CCDC200: variants seen among roughly 807,000 people sequenced by gnomAD.
CCDC200 encodes coiled-coil domain-containing protein 200.
At chr17:43,226,955 T>C (rs192123206) in intron 1 of CCDC200, among the ~76,000 whole-genome samples, 6 of 152,162 alleles carry the variant, frequency 3.9e-5, no homozygotes, top group Non-Finnish European at 8.8e-5. Flanking sequence ...GTATGTTGTT[T>C]TAAAATATTT....
At chr17:43,225,738 T>A (rs1260863290) in intron 1 of CCDC200, among the ~76,000 whole-genome samples, 1 of 115,498 alleles carries the variant, frequency 8.7e-6, no homozygotes, top group Admixed American at 1.0e-4. Context: ...TTTTTTTCTT[T>A]TTTTTTTTTG....
chr17:43,225,411 T>A (rs1184660310), intron 1 of CCDC200, among the ~76,000 whole-genome samples: 1 of 151,060 alleles, frequency 6.6e-6, no homozygotes, highest in Non-Finnish European at 1.5e-5. Flanking sequence ...ACGCCTGTCA[T>A]CCCAGCACTT....
At chr17:43,226,227 G>C (rs1244262608) in intron 1 of CCDC200, 1 of 152,130 alleles carries the variant, frequency 6.6e-6, no homozygotes, top group Non-Finnish European at 1.5e-5. Flanking sequence ...TGTAGTCCCA[G>C]CTACTCAGGA....
At chr17:43,223,758 CTG>C (rs2057549775) in intron 2 of CCDC200, 144 bp from the exon 3 acceptor site, 1 of 152,220 alleles carries the variant, frequency 6.6e-6, no homozygotes, top group Admixed American at 6.5e-5. Flanking sequence ...AGGGCACAGA[CTG>C]AGCCCTTCCT....
In CCDC200 at chr17:43,222,419, G is replaced by A. The variant is rs184706885; in HGVS notation, c.481-822C>T. 2.0e-3 allele frequency among the ~76,000 whole-genome samples: 302 copies of A among 152,114 alleles called. 1 individual carries two copies. Among genetic ancestry groups the A allele is most frequent in the Non-Finnish European group, 2.7e-3 (186 of 67,972 alleles). The stretch of plus-strand genomic sequence containing the variant: ...TGAGCTCAGGCAATCTGCTCACCTC[G>A]GCCTCCCAAAGTGCTGGGATTTCAG... On this transcript the variant is annotated intron_variant, in intron 3 of 3. Coordinates refer to ENST00000636331, the MANE Select transcript of CCDC200 (RefSeq NM_001363254.2).
intron 2 of CCDC200, 197 bp downstream of exon 2, chr17:43,224,037 T>C (rs796937217): frequency 2.1e-4 from 32 of 151,676 alleles, no homozygotes; most frequent in African/African-American, 7.7e-4. Flanking sequence ...CTTGGGAGAG[T>C]CAGAGAGGGT....
At chr17:43,224,988 G>A (rs868780718) in intron 1 of CCDC200, 1 of 151,772 alleles carries the variant, frequency 6.6e-6, no homozygotes, top group South Asian at 2.1e-4. Flanking sequence ...CCTCAGCTTC[G>A]CAAGTAGCTA....
chr17:43,221,834 C>T (rs894312232), intron 3 of CCDC200, among the ~76,000 whole-genome samples: 1 of 152,098 alleles, frequency 6.6e-6, no homozygotes, highest in Non-Finnish European at 1.5e-5. Flanking sequence ...CCAGGCCAGG[C>T]GTGGTGGCTC....
chr17:43,224,656 G>A (rs1841475160), intron 1 of CCDC200, 107 bp from the exon 2 acceptor site: 2 of 152,468 alleles, frequency 1.3e-5, no homozygotes, highest in Admixed American at 1.3e-4. Flanking sequence ...AGTATAGGTG[G>A]CAGTGGTCTC....
intron 3 of CCDC200, among the ~76,000 whole-genome samples, chr17:43,223,246 A>ATTTTTTTTTTTTTT (rs1382906549): frequency 1.2e-5 from 1 of 84,826 alleles, no homozygotes; most frequent in African/African-American, 4.0e-5. Flanking sequence ...ATTTTTTTCA[A>ATTTTTTTTTTTTTT]TTTTTTTTTT....
intron 1 of CCDC200, among the ~76,000 whole-genome samples, chr17:43,225,524 T>A (rs2057560735): frequency 6.8e-6 from 1 of 146,718 alleles, no homozygotes. Flanking sequence ...TTAGTTGGGC[T>A]TGGTGGCAGG....
At chr17:43,227,582 T>C (rs1297042998) in intron 1 of CCDC200, among the ~76,000 whole-genome samples, 8 of 152,020 alleles carry the variant, frequency 5.3e-5, no homozygotes, top group Admixed American at 3.9e-4. Context: ...CCTCACTGAT[T>C]CAAGTGATTC....
chr17:43,230,981 A>G (rs2057593905), upstream of CCDC200, among the ~76,000 whole-genome samples: 2 of 22,554 alleles, frequency 8.9e-5, 1 homozygote, highest in Non-Finnish European at 2.5e-3. Flanking sequence ...CTCCGTCTCA[A>G]AAAAAAAAAA....
chr17:43,225,382 G>T (rs934167362), intron 1 of CCDC200, among the ~76,000 whole-genome samples: 4 of 151,606 alleles, frequency 2.6e-5, no homozygotes, highest in Admixed American at 2.0e-4. Flanking sequence ...AATTCATGCT[G>T]GGCCGGACGC....
Position 43,223,243 on chromosome 17 carries a change from TCA to T in CCDC200, c.480+311_480+312del, listed in dbSNP as rs1297160301. Among the ~76,000 whole-genome samples the T allele has an allele frequency of 2.5e-4, 18 of 72,300 alleles. 3 individuals carry two copies. Among genetic ancestry groups the T allele is most frequent in the African/African-American group, 3.9e-4 (9 of 23,134 alleles). The allele number at this position is 72,300 out of a possible 152,430, so 47.4% of individuals were successfully genotyped here. On this transcript the variant is annotated intron_variant, in intron 3 of 3. Coordinates refer to ENST00000636331, the MANE Select transcript of CCDC200 (RefSeq NM_001363254.2). ...TTTTTTCAATTTTTTTCAATTTTTTTCAATTTTTTTTTTTTTTTGGAGATGTC... is the reference window on the plus strand; with the variant it reads ...TTTTTTCAATTTTTTTCAATTTTTTTATTTTTTTTTTTTTTTGGAGATGTC...
At chr17:43,222,399 T>C (rs2057538992) in intron 3 of CCDC200, among the ~76,000 whole-genome samples, 1 of 152,158 alleles carries the variant, frequency 6.6e-6, no homozygotes, top group Non-Finnish European at 1.5e-5. Context: ...ATTCCTGAGC[T>C]CAGGCAATCT....
At position 43,224,455 on chromosome 17, in the gene CCDC200, A is replaced by G. The variant is rs990447114; in HGVS notation, c.200T>C (p.Leu67Ser). The change falls in exon 2 of 4, where the codon TTG (leucine) becomes TCG (serine). Residue 67 changes from leucine to serine, a missense_variant. Coordinates refer to ENST00000636331, the MANE Select transcript of CCDC200 (RefSeq NM_001363254.2). ...CTGTGGTTGCTCCTGTGATGTCCAC[A>G]ATTTCGCCACTGGTGGTTGCGGCAC... ...LNVPQPPVAK[L>S]WTSQEQPQPS... 2 of 154,306 alleles carry G rather than the reference A, an allele frequency of 1.3e-5. No homozygotes were observed. The highest frequency in any genetic ancestry group is 1.5e-5 in the Non-Finnish European group (1 of 68,178). The allele number at this position is 154,306 out of a possible 1,614,324, so 9.6% of individuals were successfully genotyped here.
At chr17:43,230,975 G>A (rs1264674476), upstream of CCDC200, among the ~76,000 whole-genome samples, 7 of 33,194 alleles carry the variant, frequency 2.1e-4, no homozygotes, top group African/African-American at 2.6e-4. Context: ...GTGAGACTCC[G>A]TCTCAAAAAA....
chr17:43,227,590 T>C (rs1214954688), intron 1 of CCDC200, among the ~76,000 whole-genome samples: 1 of 152,012 alleles, frequency 6.6e-6, no homozygotes, highest in Non-Finnish European at 1.5e-5. Flanking sequence ...ATTCAAGTGA[T>C]TCTCATGCCT....
Sources: gnomAD v4.1 joint callset for allele counts (sites outside exome capture counted in the v4.1 genomes callset) on GRCh38, gnomAD v4.1.1 for gene constraint, MANE v1.5 for transcripts, NCBI Gene and HGNC (gene_info 2026-07-23, HGNC 2026-07-21) for gene names.